ZNF737: variants seen among roughly 807,000 people sequenced by gnomAD.
ZNF737 encodes the protein zinc finger protein 102 (Y3).
Under a neutral mutation model 11.7 loss-of-function variants are expected in ZNF737, and 13 were observed. The ratio of observed to expected loss-of-function variants is 1.11; its 90% CI spans 0.73 to 1.77. The LOEUF is 1.77. Among genes scored for constraint, ZNF737 ranks in the 40% most tolerant of loss-of-function variants. ZNF737 has a pLI of 0.00. For synonymous variants in ZNF737, 217 were observed against 216.2 expected (o/e 1.00, Z -0.03); for missense variants, 636 against 638.0 (o/e 1.00, Z 0.03).
the ZNF737 span, among the ~76,000 whole-genome samples, chr19:20,530,537 C>T: frequency 1.4e-5 from 2 of 146,646 alleles, no homozygotes; most frequent in South Asian, 2.3e-4. Context: ...CGGAGGGTCT[C>T]CTCACTTCTC....
In ZNF737 at chr19:20,542,670, C is replaced by T. The variant is rs1442059108; in HGVS notation, c.*1922G>A. The T allele has an allele frequency of 1.1e-5, 11 of 982,956 alleles. No individual in the cohort carries two copies. Among genetic ancestry groups the T allele is most frequent in the Non-Finnish European group, 1.2e-5 (10 of 827,886 alleles). The allele number at this position is 982,956 out of a possible 1,614,324, so 60.9% of individuals were successfully genotyped here. A position where few individuals can be genotyped will look rare whatever the true frequency, so the allele number is the denominator to read the frequency against. On this transcript the variant is annotated 3_prime_UTR_variant, in exon 4 of 4. Transcript: ENST00000427401. ...TATTGCTCTGAACATTTACGTTATACATTACTTAATAGAATTTTACTACAA... is the reference window on the plus strand; with the variant it reads ...TATTGCTCTGAACATTTACGTTATATATTACTTAATAGAATTTTACTACAA...
At chr19:20,551,429 CAAAAAAAA>C (rs59406979) in intron 3 of ZNF737, among the ~76,000 whole-genome samples, 1 of 102,358 alleles carries the variant, frequency 9.8e-6, no homozygotes. Flanking sequence ...AACCCCATCT[CAAAAAAAA>C]AAAAAAAAAA....
Position 20,538,842 on chromosome 19 carries a change from C to T in ZNF737, c.*5750G>A, listed in dbSNP as rs1443227812. 1.0e-6 allele frequency: 1 copy of T among 984,888 alleles called. No homozygotes were observed. Among genetic ancestry groups the T allele is most frequent in the Non-Finnish European group, 1.2e-6 (1 of 829,570 alleles). The allele number at this position is 984,888 out of a possible 1,614,324, so 61.0% of individuals were successfully genotyped here. On this transcript the variant is annotated 3_prime_UTR_variant, in exon 4 of 4. Coordinates refer to ENST00000427401, the MANE Select transcript of ZNF737 (RefSeq NM_001159293.2). ...CATACTATTTTTTAGCAACTAATGG[C>T]ATCTGTTACCCATTAATTTTATACA...
At chr19:20,563,070 G>T (rs1969158823) in intron 1 of ZNF737, among the ~76,000 whole-genome samples, 1 of 146,156 alleles carries the variant, frequency 6.8e-6, no homozygotes, top group Admixed American at 6.9e-5. Flanking sequence ...AATTTTTTTT[G>T]GAATTCATTT....
intron 1 of ZNF737, among the ~76,000 whole-genome samples, chr19:20,561,700 C>T (rs2144699959): frequency 6.7e-6 from 1 of 149,486 alleles, no homozygotes; most frequent in African/African-American, 2.5e-5. Flanking sequence ...TGAATTCTGA[C>T]ACCACCGAGA....
In ZNF737 at chr19:20,543,447, T is replaced by C. The variant is rs1331245296; in HGVS notation, c.*1145A>G. 2 of 985,836 alleles carry C rather than the reference T, an allele frequency of 2.0e-6. No homozygotes were observed. The highest frequency in any genetic ancestry group is 2.4e-6 in the Non-Finnish European group (2 of 829,644). The allele number at this position is 985,836 out of a possible 1,614,324, so 61.1% of individuals were successfully genotyped here. ...TACTTGCTGAAAGTTTTGACAGTAA[T>C]TGCCATTTTAATGCTTTTATTAAAA... On this transcript the variant is annotated 3_prime_UTR_variant, in exon 4 of 4. Coordinates refer to ENST00000427401, the MANE Select transcript of ZNF737 (RefSeq NM_001159293.2).
In ZNF737 at chr19:20,544,755, C is replaced by T. The variant is rs1568425754; in HGVS notation, c.1448G>A (p.Cys483Tyr). The T allele has an allele frequency of 3.7e-6, 6 of 1,609,022 alleles. No individual in the cohort carries two copies. Among genetic ancestry groups the T allele is most frequent in the Non-Finnish European group, 5.1e-6 (6 of 1,178,048 alleles). ...RIHTGEKPYK[C>Y]ERCGKAFKRS... ...CTTAAAAGCCTTGCCACATCGTTCACATTTGTAGGGTTTCTCTCCAGTATG... is the reference window on the plus strand; with the variant it reads ...CTTAAAAGCCTTGCCACATCGTTCATATTTGTAGGGTTTCTCTCCAGTATG... The change falls in exon 4 of 4, where the codon TGT (cysteine) becomes TAT (tyrosine). Residue 483 changes from cysteine (C) to tyrosine (Y), a missense_variant. Coordinates refer to ENST00000427401, the MANE Select transcript of ZNF737 (RefSeq NM_001159293.2).
At chr19:20,535,250 C>A (rs1486809941), downstream of ZNF737, among the ~76,000 whole-genome samples, 9 of 151,994 alleles carry the variant, frequency 5.9e-5, no homozygotes, top group Non-Finnish European at 1.0e-4. Flanking sequence ...TGCACTCCAG[C>A]TTGGGTGACA....
intron 1 of ZNF737, among the ~76,000 whole-genome samples, chr19:20,560,249 A>G (rs187425998): frequency 2.7e-5 from 4 of 150,582 alleles, no homozygotes; most frequent in Non-Finnish European, 5.9e-5. Flanking sequence ...TGGGAACATG[A>G]GGTAGGAGAA....
rs146779645 is a variant in ZNF737, at chr19:20,544,853, C to T, written c.1350G>A (p.Glu450=). 6,755 of 1,613,648 alleles carry T rather than the reference C, an allele frequency of 4.2e-3. 214 individuals are homozygous for T. The African/African-American group carries it at 0.079, about 19-fold the overall frequency. The change falls in exon 4 of 4, where the codon GAG becomes GAA. Residue 450 remains glutamate (E), a synonymous_variant. Coordinates refer to ENST00000427401, the MANE Select transcript of ZNF737 (RefSeq NM_001159293.2). ...LTTHKRIHTG[E]KPYKCEECGK... ...CACATTCTTCACATTTGTAGGGTTT[C>T]TCTCCAGTATGAATTCTCTTATGTG...
At chr19:20,556,819 G>C (rs1968905950) in intron 1 of ZNF737, among the ~76,000 whole-genome samples, 1 of 152,180 alleles carries the variant, frequency 6.6e-6, no homozygotes, top group Non-Finnish European at 1.5e-5. Context: ...TGCACTGTTT[G>C]TTAAACAGGT....
rs1286980679 is a variant in ZNF737, at chr19:20,543,528, C to G, written c.*1064G>C. 29 of 984,852 alleles carry G rather than the reference C, an allele frequency of 2.9e-5. No homozygotes were observed. Among genetic ancestry groups the G allele is most frequent in the Middle Eastern group, 1.0e-3 (2 of 1,936 alleles). The allele number at this position is 984,852 out of a possible 1,614,324, so 61.0% of individuals were successfully genotyped here. A position where few individuals can be genotyped will look rare whatever the true frequency, so the allele number is the denominator to read the frequency against. On this transcript the variant is annotated 3_prime_UTR_variant, in exon 4 of 4. Coordinates refer to ENST00000427401, the MANE Select transcript of ZNF737 (RefSeq NM_001159293.2). ...TAGGAATTAATAGGTTTTCCATATTCCTTCTATTTGTACAATTTTTCTCAA... is the reference window on the plus strand; with the variant it reads ...TAGGAATTAATAGGTTTTCCATATTGCTTCTATTTGTACAATTTTTCTCAA...
In ZNF737 at chr19:20,540,694, G is replaced by T. The variant is rs782054804; in HGVS notation, c.*3898C>A. ...GAATTGCTTGAACCCAGGAGGTGGA[G>T]GTTGCCATGAGCTGAGATCACGCCA... is the stretch of plus-strand genomic sequence containing the variant. On this transcript the variant is annotated 3_prime_UTR_variant, in exon 4 of 4. Coordinates refer to ENST00000427401, the MANE Select transcript of ZNF737 (RefSeq NM_001159293.2). 1.8e-6 allele frequency: 1 copy of T among 542,512 alleles called. No individual in the cohort carries two copies. Among genetic ancestry groups the T allele is most frequent in the Non-Finnish European group, 2.3e-6 (1 of 425,914 alleles). The allele number at this position is 542,512 out of a possible 1,614,324, so 33.6% of individuals were successfully genotyped here. A position where few individuals can be genotyped will look rare whatever the true frequency, so the allele number is the denominator to read the frequency against.
At chr19:20,562,777 G>A (rs1415669085) in intron 1 of ZNF737, among the ~76,000 whole-genome samples, 3 of 151,884 alleles carry the variant, frequency 2.0e-5, no homozygotes, top group Non-Finnish European at 4.4e-5. Context: ...TCCCTTAATC[G>A]AACTCTTCTT....
chr19:20,547,370 G>C (rs1968490851), intron 3 of ZNF737, among the ~76,000 whole-genome samples: 1 of 122,490 alleles, frequency 8.2e-6, no homozygotes, highest in African/African-American at 3.3e-5. Flanking sequence ...GACACAGCGA[G>C]ACTCCGTCTC....
At position 20,544,747 on chromosome 19, in the gene ZNF737, A is replaced by T; in HGVS notation, c.1456T>A (p.Cys486Ser). The T allele has an allele frequency of 6.2e-7, 1 of 1,607,210 alleles. No individual in the cohort carries two copies. The highest frequency in any genetic ancestry group is 1.1e-5 in the South Asian group (1 of 90,292). The change falls in exon 4 of 4, where the codon TGT becomes AGT. Residue 486 changes from cysteine to serine, a missense_variant. Transcript: ENST00000427401. ...AAGGAGCGCTTAAAAGCCTTGCCACATCGTTCACATTTGTAGGGTTTCTCT... is the reference window on the plus strand; with the variant it reads ...AAGGAGCGCTTAAAAGCCTTGCCACTTCGTTCACATTTGTAGGGTTTCTCT... ...TGEKPYKCER[C>S]GKAFKRSFIL...
At chr19:20,554,321 A>G (rs1434074087) in intron 1 of ZNF737, among the ~76,000 whole-genome samples, 1 of 152,204 alleles carries the variant, frequency 6.6e-6, no homozygotes, top group African/African-American at 2.4e-5. Context: ...CCCAAGAAGG[A>G]TATTTTGTCA....
chr19:20,544,808 G>C lies in ZNF737; in HGVS notation c.1395C>G (p.Ser465=). The change falls in exon 4 of 4, where the codon TCC becomes TCG. Residue 465 remains serine, a synonymous_variant. Coordinates refer to ENST00000427401, the MANE Select transcript of ZNF737 (RefSeq NM_001159293.2). The part of the protein sequence containing the change: ...CEECGKAFNS[S]SHLTAHKRIH... ...TTCTCTTATGTGCAGTAAGGTGTGA[G>C]GACGAGTTGAAGGCTTTGCCACATT... The C allele has an allele frequency of 6.2e-7, 1 of 1,610,044 alleles. No individual in the cohort carries two copies. The highest frequency in any genetic ancestry group is 8.5e-7 in the Non-Finnish European group (1 of 1,178,380).
Position 20,544,128 on chromosome 19 carries a change from C to CA in ZNF737, c.*463dup, listed in dbSNP as rs377259342. ...GGATGACAAGCATGAAACTTCATCT[C>CA]AAAAAAAAAAATATTGAAAACTTGT... On this transcript the variant is annotated 3_prime_UTR_variant, in exon 4 of 4. Coordinates refer to ENST00000427401, the MANE Select transcript of ZNF737 (RefSeq NM_001159293.2). The CA allele has an allele frequency of 8.0e-3, 5,725 of 719,686 alleles. No individual in the cohort carries two copies. The highest frequency in any genetic ancestry group is 0.011 in the South Asian group (196 of 17,952). The allele number at this position is 719,686 out of a possible 1,614,324, so 44.6% of individuals were successfully genotyped here.
Sources: gnomAD v4.1 joint callset for allele counts (sites outside exome capture counted in the v4.1 genomes callset) on GRCh38, gnomAD v4.1.1 for gene constraint, MANE v1.5 for transcripts, NCBI Gene and HGNC (gene_info 2026-07-23, HGNC 2026-07-21) for gene names.